The following DYNC1H1 variants were observed in gnomAD, a reference collection of about 807,000 sequenced individuals.
DYNC1H1 encodes the protein dynein cytoplasmic 1 heavy chain 1.
Under a neutral mutation model 527.1 loss-of-function variants are expected in DYNC1H1, and 51 were observed. The observed-to-expected ratio is 0.10, with a 90% CI of 0.08 to 0.12. The LOEUF (loss-of-function observed/expected upper bound fraction) is 0.12, where lower values mean the gene tolerates loss of function less well. Ranked by LOEUF, DYNC1H1 falls within the 10% of genes least tolerant of loss-of-function variation. The pLI is 1.00. For missense variants in DYNC1H1, 2,771 were observed against 5,971.8 expected (o/e 0.46, Z 17.66); for synonymous variants, 2,189 against 2,278.8 (o/e 0.96, Z 1.12).
chr14:101,989,616 C>G (rs1404567340), intron 10 of DYNC1H1, among the ~76,000 whole-genome samples: 2 of 152,224 alleles, frequency 1.3e-5, no homozygotes, highest in Non-Finnish European at 2.9e-5. Context: ...AAACCTTGAT[C>G]TGGGAGAAAC....
intron 15 of DYNC1H1, among the ~76,000 whole-genome samples, chr14:101,996,765 A>G (rs1218410537): frequency 2.0e-5 from 3 of 151,570 alleles, no homozygotes; most frequent in African/African-American, 7.3e-5. Flanking sequence ...GGGACTACAG[A>G]TACATGCCAC....
In DYNC1H1 at chr14:102,042,172, T is replaced by C; in HGVS notation, c.12214+48T>C. On this transcript the variant is annotated intron_variant, in intron 66 of 77. Coordinates refer to ENST00000360184, the MANE Select transcript of DYNC1H1 (RefSeq NM_001376.5). This position sits in a 1 kb window ranked among gnomAD's most constrained non-coding sequence, Gnocchi z 5.7. ...ATGGGCTGGAGCCCTGCAGGATTTG[T>C]GGTGGGCATTGATGTCCGAGGCTGC... The C allele has an allele frequency of 6.2e-7, 1 of 1,613,914 alleles. No individual in the cohort carries two copies. Among genetic ancestry groups the C allele is most frequent in the Non-Finnish European group, 8.5e-7 (1 of 1,179,964 alleles).
intron 13 of DYNC1H1, 50 bp from the exon 14 acceptor site, chr14:101,994,936 A>G: frequency 6.2e-7 from 1 of 1,613,662 alleles, no homozygotes; most frequent in African/African-American, 1.3e-5. Flanking sequence ...AAGGATAAAC[A>G]CGCCAGCAGG....
Position 102,004,776 on chromosome 14 carries a change from T to A in DYNC1H1, c.5064T>A (p.Thr1688=), listed in dbSNP as rs1479817293. 3 of 1,614,206 alleles carry A rather than the reference T, an allele frequency of 1.9e-6. No homozygotes were observed. Among genetic ancestry groups the A allele is most frequent in the South Asian group, 2.2e-5 (2 of 91,086 alleles). ...SREGEEVMFK[T]PVSITEHPKI... is the part of the protein sequence containing the mutation. ...ATTTATTTCAGGTTATGTTTAAAAC[T>A]CCTGTGTCAATTACTGAACATCCCA... The change falls in exon 25 of 78, where the codon ACT becomes ACA. Residue 1688 remains threonine, a synonymous_variant. Coordinates refer to ENST00000360184, the MANE Select transcript of DYNC1H1 (RefSeq NM_001376.5).
Position 102,018,472 on chromosome 14 carries a change from C to T in DYNC1H1, c.8199C>T (p.Val2733=), listed in dbSNP as rs770775119. 40 of 1,613,632 alleles carry T rather than the reference C, an allele frequency of 2.5e-5. No homozygotes were observed. The African/African-American group carries it at 2.9e-4, about 12-fold the overall frequency. Residue 2733 remains valine (V), a synonymous_variant, in exon 41 of 78, where the codon GTC becomes GTT. Coordinates refer to ENST00000360184, the MANE Select transcript of DYNC1H1 (RefSeq NM_001376.5). This position sits in a 1 kb window ranked among gnomAD's most constrained non-coding sequence, Gnocchi z 5.2. ...LSHRFLRHVP[V]VYVDYPGPAS... is the part of the protein sequence containing the mutation. ...ACAGGTTCCTGCGCCACGTGCCTGT[C>T]GTGTATGTGGATTACCCGGGCCCCG...
rs749014392 is a variant in DYNC1H1, at chr14:102,016,181, C to T, written c.7473+95C>T. 30 of 1,516,906 alleles carry T rather than the reference C, an allele frequency of 2.0e-5. No homozygotes were observed. Among genetic ancestry groups the T allele is most frequent in the Non-Finnish European group, 2.6e-5 (29 of 1,118,868 alleles). 94.0% of individuals were successfully genotyped at this position (1,516,906 alleles called of 1,614,324 possible). ...TGCTGCACCTGTGGGGATGTGCGCT[C>T]TCTCCTAGGCGAGGCAGAGCCTTCG... On this transcript the variant is annotated intron_variant, in intron 36 of 77. Transcript: ENST00000360184. This position sits in a 1 kb window ranked among gnomAD's most constrained non-coding sequence, Gnocchi z 7.3.
Position 102,015,277 on chromosome 14 carries a change from G to A in DYNC1H1, c.7187G>A (p.Arg2396Gln). The A allele has an allele frequency of 1.9e-6, 3 of 1,614,188 alleles. No individual in the cohort carries two copies. Among genetic ancestry groups the A allele is most frequent in the South Asian group, 1.1e-5 (1 of 91,086 alleles). ...PLDEGEDEAQ[R>Q]RRKGKEDEGE... ...GATGAAGGGGAGGATGAGGCACAGC[G>A]GCGGCGTAAGGGCAAAGAGGATGAG... Residue 2396 changes from arginine (R) to glutamine (Q), a missense_variant, in exon 35 of 78, where the codon CGG becomes CAG. This residue lies in a region of DYNC1H1 where 122 missense variants were observed against 168.4 expected (regional missense o/e 0.72). Transcript: ENST00000360184. This position sits in a 1 kb window ranked among gnomAD's most constrained non-coding sequence, Gnocchi z 6.9.
chr14:102,016,662 A>G lies in DYNC1H1; in HGVS notation c.7615-104A>G, dbSNP rs2048326615. ...CAAAGAGTGCAGATTAACCTGACCA[A>G]TTACTTCCTTGTTCTGAAAGTTCAA... is the stretch of plus-strand genomic sequence containing the variant. On this transcript the variant is annotated intron_variant, in intron 37 of 77. Transcript: ENST00000360184. The surrounding 1 kb of genome is among the most constrained non-coding windows in gnomAD (Gnocchi z 7.3). 1 of 1,534,762 alleles carries G rather than the reference A, an allele frequency of 6.5e-7. No homozygotes were observed.
chr14:102,017,371 CCCTT>C lies in DYNC1H1; in HGVS notation c.8056-6_8056-3del. 6.2e-7 allele frequency: 1 copy of C among 1,614,214 alleles called. No homozygotes were observed. Among genetic ancestry groups the C allele is most frequent in the Non-Finnish European group, 8.5e-7 (1 of 1,180,032 alleles). ...GTTTTGCTCTTAATGTGGTACCTGT[CCCTT>C]CCTTCAGATGGTGGAGCACGGAGGC... On this transcript the variant is annotated splice_region_variant and splice_polypyrimidine_tract_variant and intron_variant, in intron 39 of 77. Transcript: ENST00000360184. This position sits in a 1 kb window ranked among gnomAD's most constrained non-coding sequence, Gnocchi z 4.6.
intron 73 of DYNC1H1, 143 bp downstream of exon 73, chr14:102,048,171 G>C (rs1328855557): frequency 9.0e-7 from 1 of 1,109,964 alleles, no homozygotes; most frequent in Non-Finnish European, 1.3e-6. Context: ...CAGGTGTCCA[G>C]CTGAGCCCAG....
Position 102,044,599 on chromosome 14 carries a change from G to C in DYNC1H1, c.12907G>C (p.Glu4303Gln). Reference sequence around the variant, plus strand: ...CCAAATGCACTGGTTTTCTAGGCGAGAGGAGTTTGTGCAGTGGGTGGAGTT... The same window carrying C: ...CCAAATGCACTGGTTTTCTAGGCGACAGGAGTTTGTGCAGTGGGTGGAGTT... ...DIQMPDGIRREEFVQWVELLP... is the reference protein window; with the variant it reads ...DIQMPDGIRRQEFVQWVELLP... Residue 4303 changes from glutamate to glutamine, a missense_variant, in exon 72 of 78, where the codon GAG (glutamate) becomes CAG (glutamine). Glu to Gln is a conservative substitution (Grantham distance 29). Coordinates refer to ENST00000360184, the MANE Select transcript of DYNC1H1 (RefSeq NM_001376.5). The surrounding 1 kb of genome is among the most constrained non-coding windows in gnomAD (Gnocchi z 7.1). 6.2e-7 allele frequency: 1 copy of C among 1,614,224 alleles called. No individual in the cohort carries two copies. Among genetic ancestry groups the C allele is most frequent in the Non-Finnish European group, 8.5e-7 (1 of 1,180,040 alleles).
Position 101,977,023 on chromosome 14 carries a change from G to A in DYNC1H1, c.344+1224G>A, listed in dbSNP as rs1262410197. ...AGCAAGTTAACGTTTGCGGATTTTG[G>A]TGTTCCAGGGGAGTCCTGGAATCAA... On this transcript the variant is annotated intron_variant, in intron 2 of 77. Coordinates refer to ENST00000360184, the MANE Select transcript of DYNC1H1 (RefSeq NM_001376.5). Among the ~76,000 whole-genome samples the A allele has an allele frequency of 3.9e-5, 6 of 152,166 alleles. No homozygotes were observed. In the East Asian group the frequency reaches 1.2e-3, roughly 29 times the overall value.
intron 69 of DYNC1H1, chr14:102,043,410 G>T (rs35359000): frequency 3.4e-6 from 1 of 297,530 alleles, no homozygotes; most frequent in Non-Finnish European, 6.5e-6. Flanking sequence ...TGAGGTCCCA[G>T]AGGAGCAGAG....
chr14:102,000,862 C>G, intron 18 of DYNC1H1, 92 bp from the exon 19 acceptor site: 4 of 1,205,472 alleles, frequency 3.3e-6, no homozygotes, highest in East Asian at 4.7e-5. Context: ...CATGAGCCAC[C>G]GCGCCTGGCC....
intron 7 of DYNC1H1, among the ~76,000 whole-genome samples, chr14:101,984,559 A>G (rs1311892254): frequency 6.8e-6 from 1 of 145,994 alleles, no homozygotes; most frequent in East Asian, 2.1e-4. Flanking sequence ...GGTTCAAGCA[A>G]TTCTGCCTCA....
At position 101,983,297 on chromosome 14, in the gene DYNC1H1, T is replaced by G. The variant is rs1372067142; in HGVS notation, c.1233+7T>G. ...TTATGAAGAATTTGAAAAAGTAAGTTTGAATATATAAGACAACCAACCTCA... is the reference window on the plus strand; with the variant it reads ...TTATGAAGAATTTGAAAAAGTAAGTGTGAATATATAAGACAACCAACCTCA... On this transcript the variant is annotated splice_region_variant and intron_variant, in intron 6 of 77. Coordinates refer to ENST00000360184, the MANE Select transcript of DYNC1H1 (RefSeq NM_001376.5). This position sits in a 1 kb window ranked among gnomAD's most constrained non-coding sequence, Gnocchi z 5.3. 6.2e-7 allele frequency: 1 copy of G among 1,614,192 alleles called. No homozygotes were observed. Among genetic ancestry groups the G allele is most frequent in the Non-Finnish European group, 8.5e-7 (1 of 1,180,038 alleles).
chr14:102,036,177 G>A lies in DYNC1H1; in HGVS notation c.10755-312G>A, dbSNP rs989022585. On this transcript the variant is annotated intron_variant, in intron 56 of 77. Transcript: ENST00000360184. This position sits in a 1 kb window ranked among gnomAD's most constrained non-coding sequence, Gnocchi z 5.6. ...TGCTGTCTAGAAGGATCGTAAACATGAAAAAGCTATTCTAACAGTGCAGGA... is the reference window on the plus strand; with the variant it reads ...TGCTGTCTAGAAGGATCGTAAACATAAAAAAGCTATTCTAACAGTGCAGGA... 1.4e-5 allele frequency: 5 copies of A among 361,708 alleles called. No homozygotes were observed. Among genetic ancestry groups the A allele is most frequent in the African/African-American group, 6.3e-5 (3 of 47,480 alleles). 22.4% of individuals were successfully genotyped at this position (361,708 alleles called of 1,614,324 possible).
rs1194933463 is a variant in DYNC1H1, at chr14:102,033,835, T to A, written c.10414-141T>A. The stretch of plus-strand genomic sequence containing the variant: ...AGTTATATATGATCTGGGTCTCATC[T>A]CCTCTGGGACTGTGAACAACTTGGG... On this transcript the variant is annotated intron_variant, in intron 54 of 77. Coordinates refer to ENST00000360184, the MANE Select transcript of DYNC1H1 (RefSeq NM_001376.5). This position sits in a 1 kb window ranked among gnomAD's most constrained non-coding sequence, Gnocchi z 5.6. The A allele has an allele frequency of 1.1e-6, 1 of 872,306 alleles. No homozygotes were observed. The highest frequency in any genetic ancestry group is 1.8e-6 in the Non-Finnish European group (1 of 546,382). The allele number at this position is 872,306 out of a possible 1,614,324, so 54.0% of individuals were successfully genotyped here.
At chr14:101,996,237 C>G (rs746189901) in intron 15 of DYNC1H1, among the ~76,000 whole-genome samples, 1 of 150,622 alleles carries the variant, frequency 6.6e-6, no homozygotes, top group Non-Finnish European at 1.5e-5. Flanking sequence ...TCAAGCGATT[C>G]TCCTGCCTCA....
Sources: allele counts gnomAD v4.1 joint callset (sites outside exome capture counted in the v4.1 genomes callset), GRCh38; gene constraint gnomAD v4.1.1; regional missense constraint gnomAD v4.1.1; non-coding constraint Gnocchi (gnomAD v3.1); transcripts MANE v1.5; gene names NCBI Gene and HGNC (gene_info 2026-07-23, HGNC 2026-07-21).